NPAS3: variants seen among roughly 807,000 people sequenced by gnomAD.
NPAS3 encodes the protein neuronal PAS domain protein 3, also known as neuronal PAS domain-containing protein 3.
Under a neutral mutation model 73.1 loss-of-function variants are expected in NPAS3, and 14 were observed. The ratio of observed to expected loss-of-function variants is 0.19; its 90% CI spans 0.13 to 0.30. The LOEUF (loss-of-function observed/expected upper bound fraction) is 0.30, where lower values mean the gene tolerates loss of function less well. NPAS3 is among the 10% of genes least tolerant of loss of function. The pLI is 1.00. For synonymous variants in NPAS3, 620 were observed against 541.5 expected, an observed-to-expected ratio of 1.14 and a Z score of -2.01; for missense variants, 1,096 against 1,250.0, an observed-to-expected ratio of 0.88 and a Z score of 1.86.
intron 3 of NPAS3, among the ~76,000 whole-genome samples, chr14:33,330,963 G>A (rs1388419419): frequency 6.6e-6 from 1 of 152,208 alleles, no homozygotes; most frequent in Non-Finnish European, 1.5e-5. Context: ...AAAGGTTGAG[G>A]TGGAAAAGAG....
At chr14:33,310,731 A>G (rs2042965635) in intron 3 of NPAS3, among the ~76,000 whole-genome samples, 1 of 151,408 alleles carries the variant, frequency 6.6e-6, no homozygotes, top group South Asian at 2.1e-4. Flanking sequence ...AGATGAAATA[A>G]GACGGATGGT....
Position 33,075,330 on chromosome 14 carries a change from G to A in NPAS3, c.140+19336G>A, listed in dbSNP as rs938470455. Among the ~76,000 whole-genome samples the A allele has an allele frequency of 7.9e-5, 12 of 152,128 alleles. No individual in the cohort carries two copies. In the East Asian group the frequency reaches 2.1e-3, roughly 27 times the overall value. ...GAAATGTAAGCGGATTCTATTATTA[G>A]CAATGTGTTAAGTATCTTAGCTTGC... On this transcript the variant is annotated intron_variant, in intron 2 of 11. Coordinates refer to ENST00000356141, the Ensembl canonical transcript of NPAS3.
intron 2 of NPAS3, among the ~76,000 whole-genome samples, chr14:33,149,533 G>A (rs577037608): frequency 2.0e-5 from 3 of 152,238 alleles, no homozygotes; most frequent in Admixed American, 2.0e-4. Context: ...GCTTTGTGGT[G>A]GTGGTATTTT....
At chr14:33,741,164 C>T (rs2061646720) in intron 7 of NPAS3, among the ~76,000 whole-genome samples, 1 of 152,132 alleles carries the variant, frequency 6.6e-6, no homozygotes, top group African/African-American at 2.4e-5. Flanking sequence ...ATGTTTCTTC[C>T]TTATCTGAGA....
intron 5 of NPAS3, chr14:33,578,208 T>C (rs1958541): frequency 0.59 from 270,687 of 455,408 alleles, 81,130 homozygotes; most frequent in Middle Eastern, 0.69. Context: ...TTTTTCCCTC[T>C]TTGAGACGGA....
chr14:33,662,734 G>C (rs1468842557), intron 5 of NPAS3, among the ~76,000 whole-genome samples: 1 of 152,110 alleles, frequency 6.6e-6, no homozygotes, highest in East Asian at 1.9e-4. Context: ...GTTCACTCAT[G>C]ATTTAGGTCT....
At chr14:33,571,973 T>C (rs2056234187) in intron 5 of NPAS3, among the ~76,000 whole-genome samples, 1 of 152,204 alleles carries the variant, frequency 6.6e-6, no homozygotes, top group African/African-American at 2.4e-5. Context: ...CCTTTTATTG[T>C]GGGCTAATGC....
chr14:33,486,557 C>G (rs1296133446), intron 4 of NPAS3, among the ~76,000 whole-genome samples: 1 of 152,158 alleles, frequency 6.6e-6, no homozygotes, highest in Non-Finnish European at 1.5e-5. Flanking sequence ...GCTATAACCC[C>G]TGTTATACAT....
At position 33,288,234 on chromosome 14, in the gene NPAS3, G is replaced by T. The variant is rs543623325; in HGVS notation, c.385+72808G>T. ...AGCCAGTTCATGGTCTGCATTCTTTGTCAACACTCTACATTGTCTTCTCAT... is the reference window on the plus strand; with the variant it reads ...AGCCAGTTCATGGTCTGCATTCTTTTTCAACACTCTACATTGTCTTCTCAT... On this transcript the variant is annotated intron_variant, in intron 3 of 11. Coordinates refer to ENST00000356141, the Ensembl canonical transcript of NPAS3. Among the ~76,000 whole-genome samples, 10 of 152,256 alleles carry T rather than the reference G, an allele frequency of 6.6e-5. No homozygotes were observed. The East Asian group carries it at 1.4e-3, about 21-fold the overall frequency.
chr14:32,953,160 A>C (rs908031548), intron 1 of NPAS3, among the ~76,000 whole-genome samples: 1 of 152,046 alleles, frequency 6.6e-6, no homozygotes, highest in Admixed American at 6.6e-5. Context: ...AGAGTTGGAA[A>C]TATCTACTCA....
intron 2 of NPAS3, among the ~76,000 whole-genome samples, chr14:33,189,319 ACT>A (rs760919001): frequency 2.0e-5 from 3 of 151,960 alleles, no homozygotes; most frequent in Non-Finnish European, 4.4e-5. Context: ...TGAATTTCAC[ACT>A]CTGTTTTCAG....
chr14:33,125,553 C>T (rs932749124), intron 2 of NPAS3, among the ~76,000 whole-genome samples: 2 of 152,070 alleles, frequency 1.3e-5, no homozygotes, highest in African/African-American at 2.4e-5. Context: ...ACGTTACTCA[C>T]CTCTGAACTT....
intron 5 of NPAS3, among the ~76,000 whole-genome samples, chr14:33,605,886 G>A (rs751302933): frequency 1.5e-3 from 233 of 151,722 alleles, no homozygotes; most frequent in Non-Finnish European, 2.6e-3. Context: ...AATTCACAGG[G>A]GTATGCAAGT....
At chr14:33,744,892 G>T (rs532578987) in intron 7 of NPAS3, among the ~76,000 whole-genome samples, 1 of 152,076 alleles carries the variant, frequency 6.6e-6, no homozygotes, top group East Asian at 1.9e-4. Flanking sequence ...TTGGAAAAAT[G>T]GCAGCAATGA....
chr14:33,391,152 C>T (rs1224191071), intron 4 of NPAS3, among the ~76,000 whole-genome samples: 1 of 146,456 alleles, frequency 6.8e-6, no homozygotes, highest in Non-Finnish European at 1.5e-5. Context: ...CAATAATAGA[C>T]ATTTAAACAA....
intron 2 of NPAS3, among the ~76,000 whole-genome samples, chr14:33,097,744 C>G (rs2042463850): frequency 6.6e-6 from 1 of 152,098 alleles, no homozygotes; most frequent in South Asian, 2.1e-4. Flanking sequence ...TTTGTAATAT[C>G]CTAATGACCA....
chr14:33,726,289 C>T (rs554417930), intron 6 of NPAS3, among the ~76,000 whole-genome samples: 1 of 152,282 alleles, frequency 6.6e-6, no homozygotes, highest in African/African-American at 2.4e-5. Context: ...CAATCATGCC[C>T]ATTAAATATT....
At chr14:33,048,916 G>A (rs1166212459) in intron 1 of NPAS3, among the ~76,000 whole-genome samples, 4 of 152,206 alleles carry the variant, frequency 2.6e-5, no homozygotes, top group South Asian at 2.1e-4. Flanking sequence ...GTGTGTACAC[G>A]TATTTAGGAA....
At chr14:33,158,993 C>T (rs891965978) in intron 2 of NPAS3, among the ~76,000 whole-genome samples, 7 of 151,884 alleles carry the variant, frequency 4.6e-5, no homozygotes, top group African/African-American at 1.7e-4. Flanking sequence ...TGAAACACTG[C>T]CTCTACCAAA....
Sources: gnomAD v4.1 joint callset for allele counts (sites outside exome capture counted in the v4.1 genomes callset) on GRCh38, gnomAD v4.1.1 for gene constraint, MANE v1.5 for transcripts, NCBI Gene and HGNC (gene_info 2026-07-23, HGNC 2026-07-21) for gene names.